The following CSDE1 variants were observed in gnomAD, a reference collection of about 807,000 sequenced individuals.
CSDE1 encodes cold shock domain-containing protein E1.
A neutral mutation model predicts 89.3 loss-of-function variants in CSDE1; 17 were observed. The ratio of observed to expected loss-of-function variants is 0.19; its 90% CI spans 0.13 to 0.29. The LOEUF is 0.29. CSDE1 is among the 10% of genes least tolerant of loss of function. The pLI is 1.00. For synonymous variants in CSDE1, 322 were observed against 332.8 expected (o/e 0.97, Z 0.35); for missense variants, 672 against 984.2 (o/e 0.68, Z 4.24).
rs1660250404 is a variant in CSDE1, at chr1:114,733,917, T to TA, written c.712-61dup. 8.7e-6 allele frequency: 14 copies of TA among 1,607,466 alleles called. No individual in the cohort carries two copies. In the Middle Eastern group the frequency reaches 2.3e-3, roughly 268 times the overall value. On this transcript the variant is annotated intron_variant, in intron 8 of 19. Transcript: ENST00000358528. ...AGAGGAAGGAAGAATCACATAATTTTAAGTGTTTCTTAAAAACATAAACCA... is the reference window on the plus strand; with the variant it reads ...AGAGGAAGGAAGAATCACATAATTTTAAAGTGTTTCTTAAAAACATAAACCA...
intron 2 of CSDE1, chr1:114,748,393 A>T (rs903422164): frequency 6.6e-6 from 1 of 152,092 alleles, no homozygotes; most frequent in Non-Finnish European, 1.5e-5. Context: ...GAATTCCTTT[A>T]TGTCTAACTT....
Position 114,738,050 on chromosome 1 carries a change from T to C in CSDE1, c.222A>G (p.Ser74=), listed in dbSNP as rs759237728. 36 of 1,613,650 alleles carry C rather than the reference T, an allele frequency of 2.2e-5. No homozygotes were observed. The highest frequency in any genetic ancestry group is 3.3e-4 in the Middle Eastern group (2 of 6,084). The change falls in exon 4 of 20, where the codon TCA becomes TCG. Residue 74 remains serine (S), a synonymous_variant. Coordinates refer to ENST00000358528, the MANE Select transcript of CSDE1 (RefSeq NM_001007553.3). ...TGGGTTTCCCAGTCCGTCGGTCCGATGATACTTCAAATTCAACATCATCTA... is the reference window on the plus strand; with the variant it reads ...TGGGTTTCCCAGTCCGTCGGTCCGACGATACTTCAAATTCAACATCATCTA... The part of the protein sequence containing the change: ...KVGDDVEFEV[S]SDRRTGKPIA...
intron 12 of CSDE1, among the ~76,000 whole-genome samples, chr1:114,729,831 A>G (rs1660007502): frequency 6.6e-6 from 1 of 152,216 alleles, no homozygotes; most frequent in Non-Finnish European, 1.5e-5. Context: ...TGAAATTTAA[A>G]TGTGTGAACT....
chr1:114,739,021 T>A (rs1464655190), intron 3 of CSDE1, among the ~76,000 whole-genome samples: 4 of 151,218 alleles, frequency 2.6e-5, no homozygotes, highest in Non-Finnish European at 5.9e-5. Flanking sequence ...AATTTCCATA[T>A]AATCTAAGAG....
chr1:114,725,272 T>G lies in CSDE1; in HGVS notation c.1702A>C (p.Lys568Gln), dbSNP rs778067819. 6.2e-7 allele frequency: 1 copy of G among 1,614,232 alleles called. No homozygotes were observed. The highest frequency in any genetic ancestry group is 1.3e-5 in the African/African-American group (1 of 75,066). The change falls in exon 15 of 20, where the codon AAA becomes CAA. Residue 568 changes from lysine to glutamine, a missense_variant. Lys to Gln is a moderately conservative substitution (Grantham distance 53, BLOSUM62 1). Coordinates refer to ENST00000358528, the MANE Select transcript of CSDE1 (RefSeq NM_001007553.3). ...GCACTGACTTTGTTGCCTTTGCCTT[T>G]GGACAAGCTATACTCGACCATGTCC... Reference protein sequence around the residue: ...LGDMVEYSLSKGKGNKVSAEK... With the variant: ...LGDMVEYSLSQGKGNKVSAEK...
chr1:114,734,502 G>C lies in CSDE1; in HGVS notation c.522C>G (p.Arg174=). 1.9e-6 allele frequency: 3 copies of C among 1,612,264 alleles called. No homozygotes were observed. The highest frequency in any genetic ancestry group is 1.7e-6 in the Non-Finnish European group (2 of 1,179,446). ...NNKHTGAVSA[R]NIMLLKKKQA... is the part of the protein sequence containing the mutation. ...GTTTCTTTTTCAACAGCATAATGTT[G>C]CGAGCACTTACAGCACCAGTACTAG... Residue 174 remains arginine, a synonymous_variant, in exon 7 of 20, where the codon CGC becomes CGG. Transcript: ENST00000358528.
chr1:114,733,431 C>T (rs574387198), intron 9 of CSDE1, among the ~76,000 whole-genome samples: 1 of 150,172 alleles, frequency 6.7e-6, no homozygotes, highest in South Asian at 2.1e-4. Context: ...GAGGCTGAGG[C>T]AGGAGAATCG....
At position 114,733,253 on chromosome 1, in the gene CSDE1, C is replaced by T. The variant is rs535544562; in HGVS notation, c.838-437G>A. Among the ~76,000 whole-genome samples, 5 of 152,210 alleles carry T rather than the reference C, an allele frequency of 3.3e-5. No homozygotes were observed. In the South Asian group the frequency reaches 6.2e-4, roughly 19 times the overall value. On this transcript the variant is annotated intron_variant, in intron 9 of 19. Transcript: ENST00000358528. ...AAAAAAAAATACATATTTGGCTGGG[C>T]GAGGTGGCTCATACTTGTAATCCCA...
intron 1 of CSDE1, among the ~76,000 whole-genome samples, chr1:114,757,408 A>C (rs777468648): frequency 6.6e-6 from 1 of 152,114 alleles, no homozygotes; most frequent in Non-Finnish European, 1.5e-5. Flanking sequence ...GGTAACGGCC[A>C]GGAAACTACA....
intron 12 of CSDE1, among the ~76,000 whole-genome samples, chr1:114,728,255 T>G (rs1659905887): frequency 6.6e-6 from 1 of 152,180 alleles, no homozygotes; most frequent in South Asian, 2.1e-4. Flanking sequence ...TGAGTTTGGT[T>G]AAGAACAATG....
intron 14 of CSDE1, among the ~76,000 whole-genome samples, 178 bp downstream of exon 14, chr1:114,726,033 C>T (rs1302154894): frequency 6.6e-6 from 1 of 152,174 alleles, no homozygotes; most frequent in Non-Finnish European, 1.5e-5. Context: ...TTCTTTTGGC[C>T]ACAGGCTCTG....
chr1:114,726,481 T>C, intron 13 of CSDE1, 95 bp from the exon 14 acceptor site: 1 of 935,334 alleles, frequency 1.1e-6, no homozygotes, highest in Non-Finnish European at 1.5e-6. Context: ...CAGCGCATGC[T>C]TTTCATTCCA....
intron 19 of CSDE1, 45 bp downstream of exon 19, chr1:114,718,568 T>G (rs984512665): frequency 6.3e-7 from 1 of 1,590,000 alleles, no homozygotes; most frequent in South Asian, 1.1e-5. Flanking sequence ...ATATTTTATG[T>G]TGGTCTATCA....
chr1:114,757,308 A>G (rs1172982705), intron 1 of CSDE1, among the ~76,000 whole-genome samples: 2 of 152,132 alleles, frequency 1.3e-5, no homozygotes, highest in Admixed American at 1.3e-4. Context: ...TTCCCCTAAG[A>G]TATCTAGATG....
At chr1:114,749,254 G>C (rs949361812) in intron 2 of CSDE1, among the ~76,000 whole-genome samples, 1 of 151,218 alleles carries the variant, frequency 6.6e-6, no homozygotes, top group Non-Finnish European at 1.5e-5. Flanking sequence ...TTGTGATATT[G>C]TGTAACAAAT....
intron 18 of CSDE1, 152 bp downstream of exon 18, chr1:114,719,427 A>C (rs956397968): frequency 1.4e-5 from 12 of 844,224 alleles, no homozygotes; most frequent in Admixed American, 7.0e-5. Flanking sequence ...CATGTACTAA[A>C]CAATCTTTTT....
intron 5 of CSDE1, 105 bp downstream of exon 5, chr1:114,737,366 T>C: frequency 1.0e-6 from 1 of 955,112 alleles, no homozygotes; most frequent in Non-Finnish European, 1.6e-6. Context: ...AATTTAAAAC[T>C]GATTTTAACA....
At chr1:114,754,735 G>A (rs1039739503) in intron 1 of CSDE1, among the ~76,000 whole-genome samples, 16 of 152,166 alleles carry the variant, frequency 1.1e-4, no homozygotes, top group African/African-American at 3.9e-4. Flanking sequence ...GTCATCTGTT[G>A]AGTAAAAATA....
intron 2 of CSDE1, among the ~76,000 whole-genome samples, chr1:114,742,652 A>C (rs1348806408): frequency 6.6e-6 from 1 of 152,218 alleles, no homozygotes; most frequent in Non-Finnish European, 1.5e-5. Flanking sequence ...ATGGAAGATA[A>C]GGCAAGCACA....
Sources: allele counts gnomAD v4.1 joint callset (sites outside exome capture counted in the v4.1 genomes callset), GRCh38; gene constraint gnomAD v4.1.1; transcripts MANE v1.5; gene names NCBI Gene and HGNC (gene_info 2026-07-23, HGNC 2026-07-21).